CMKLR2: variants seen among roughly 807,000 people sequenced by gnomAD.
CMKLR2 encodes chemerin chemokine-like receptor 2.
CMKLR2 carries 18 observed loss-of-function variants against 23.0 expected under a neutral mutation model. The observed-to-expected ratio is 0.78, with a 90% confidence interval of 0.54 to 1.16. CMKLR2 has a LOEUF of 1.16. CMKLR2 is among the 50% of genes most tolerant of loss of function. The pLI, the probability that CMKLR2 is intolerant of heterozygous loss-of-function variation, is 0.00. For synonymous variants in CMKLR2, 158 were observed against 158.9 expected, an observed-to-expected ratio of 0.99 and a Z score of 0.05; for missense variants, 401 against 412.7, an observed-to-expected ratio of 0.97 and a Z score of 0.25.
upstream of CMKLR2, chr2:206,217,344 G>C (rs1278166702): frequency 6.6e-6 from 1 of 152,184 alleles, no homozygotes; most frequent in East Asian, 1.9e-4. Context: ...GCTTTTTCCA[G>C]AGACTGAAAT....
chr2:206,176,837 G>T lies in CMKLR2; in HGVS notation c.411C>A (p.Ile137=), dbSNP rs755667362. 2 of 1,614,008 alleles carry T rather than the reference G, an allele frequency of 1.2e-6. No individual in the cohort carries two copies. The highest frequency in any genetic ancestry group is 2.2e-5 in the South Asian group (2 of 91,086). Residue 137 remains isoleucine (I), a synonymous_variant, in exon 2 of 2, where the codon ATC becomes ATA. Coordinates refer to ENST00000621141, the MANE Select transcript of CMKLR2 (RefSeq NM_001389445.1). ...FLTVISLDHY[I]HLIHPVLSHR... is the part of the protein sequence containing the mutation. ...GAGATAAGACAGGATGGATCAAGTG[G>T]ATATAGTGGTCCAGGCTGATCACTG...
At chr2:206,183,207 A>G (rs1688470901) in intron 1 of CMKLR2, among the ~76,000 whole-genome samples, 1 of 152,160 alleles carries the variant, frequency 6.6e-6, no homozygotes, top group South Asian at 2.1e-4. Flanking sequence ...CAGAAGCCAT[A>G]TGGCCCATGG....
intron 1 of CMKLR2, among the ~76,000 whole-genome samples, chr2:206,190,061 C>T (rs1048957434): frequency 6.6e-6 from 1 of 152,126 alleles, no homozygotes; most frequent in African/African-American, 2.4e-5. Context: ...GATATTGTTG[C>T]TGCTGCCAGT....
intron 1 of CMKLR2, among the ~76,000 whole-genome samples, chr2:206,203,118 C>G (rs548057931): frequency 1.3e-5 from 2 of 148,734 alleles, no homozygotes; most frequent in Non-Finnish European, 3.0e-5. Flanking sequence ...GAGTTCAAGA[C>G]CAGCCTGACC....
At chr2:206,181,514 C>T (rs901537167) in intron 1 of CMKLR2, among the ~76,000 whole-genome samples, 2 of 152,074 alleles carry the variant, frequency 1.3e-5, no homozygotes, top group Non-Finnish European at 2.9e-5. Context: ...TTTGACTCCC[C>T]CAAAACTTAA....
intron 1 of CMKLR2, among the ~76,000 whole-genome samples, chr2:206,200,313 C>A (rs2105826519): frequency 6.6e-6 from 1 of 152,198 alleles, no homozygotes; most frequent in South Asian, 2.1e-4. Flanking sequence ...ATCCCAGCTG[C>A]TCGGGAGGCT....
chr2:206,190,002 A>G (rs879805996), intron 1 of CMKLR2, among the ~76,000 whole-genome samples: 14 of 152,014 alleles, frequency 9.2e-5, no homozygotes, highest in Non-Finnish European at 1.3e-4. Flanking sequence ...CTGTTTATTC[A>G]CCCAAGGGAA....
Position 206,176,653 on chromosome 2 carries a change from T to G in CMKLR2, c.595A>C (p.Thr199Pro). The change falls in exon 2 of 2, where the codon ACT (threonine) becomes CCT (proline). Residue 199 changes from threonine (T) to proline (P), a missense_variant. Physicochemically the swap from Thr to Pro is conservative, Grantham distance 38 (BLOSUM62 -1). Transcript: ENST00000621141. Reference protein sequence around the residue: ...NNFQKHDPDLTLIRHHVLTWV... With the variant: ...NNFQKHDPDLPLIRHHVLTWV... ...GTCAGAACATGGTGCCTGATCAAAG[T>G]GAGGTCAGGATCATGCTTCTGAAAA... 1 of 1,614,144 alleles carries G rather than the reference T, an allele frequency of 6.2e-7. No homozygotes were observed. The highest frequency in any genetic ancestry group is 8.5e-7 in the Non-Finnish European group (1 of 1,180,004).
At chr2:206,182,688 C>G (rs1335362641) in intron 1 of CMKLR2, among the ~76,000 whole-genome samples, 1 of 151,808 alleles carries the variant, frequency 6.6e-6, no homozygotes, top group Non-Finnish European at 1.5e-5. Flanking sequence ...GTGGCGTGAT[C>G]TCGGCTCATG....
Position 206,176,783 on chromosome 2 carries a change from C to CA in CMKLR2, c.464dup (p.Ile156AspfsTer28). On this transcript the variant is annotated frameshift_variant, in exon 2 of 2. Transcript: ENST00000621141. LOFTEE classifies it high-confidence loss of function. ...AAAGCCAGATGAATATAATGACAAT[C>CA]AGAGAGTTCTTGAGGGTTCGATGCC... is the stretch of plus-strand genomic sequence containing the variant. 6.2e-7 allele frequency: 1 copy of CA among 1,614,106 alleles called. No individual in the cohort carries two copies. The highest frequency in any genetic ancestry group is 1.3e-5 in the African/African-American group (1 of 75,006).
rs145863330 is a variant in CMKLR2, at chr2:206,183,555, G to T, written c.-28-6280C>A. ...CACCAGAGAGGTTCCTAATCTTCCA[G>T]GAAGCAGATGAACACATTAGATTTA... On this transcript the variant is annotated intron_variant, in intron 1 of 1. Transcript: ENST00000621141. 2.0e-3 allele frequency among the ~76,000 whole-genome samples: 299 copies of T among 152,254 alleles called. 1 individual carries two copies. The highest frequency in any genetic ancestry group is 6.8e-3 in the African/African-American group (284 of 41,544).
intron 1 of CMKLR2, among the ~76,000 whole-genome samples, chr2:206,191,733 T>A (rs555398948): frequency 6.6e-6 from 1 of 151,284 alleles, no homozygotes; most frequent in East Asian, 1.9e-4. Context: ...AGTGGTGTGA[T>A]GTTGGCTCAC....
At position 206,187,743 on chromosome 2, in the gene CMKLR2, A is replaced by G. The variant is rs559095829; in HGVS notation, c.-28-10468T>C. 2.0e-5 allele frequency among the ~76,000 whole-genome samples: 3 copies of G among 152,318 alleles called. No homozygotes were observed. The East Asian group carries it at 5.8e-4, about 29-fold the overall frequency. ...GATAAACATAGATACATGCACACAC[A>G]TATATACATATGCATATATACAAGT... On this transcript the variant is annotated intron_variant, in intron 1 of 1. Transcript: ENST00000621141.
At chr2:206,192,306 ATT>A (rs201719052) in intron 1 of CMKLR2, among the ~76,000 whole-genome samples, 48 of 146,794 alleles carry the variant, frequency 3.3e-4, no homozygotes, top group Non-Finnish European at 5.4e-4. Flanking sequence ...AAATTTATTT[ATT>A]TTTTTTTTAT....
At position 206,200,315 on chromosome 2, in the gene CMKLR2, C is replaced by T. The variant is rs148089790; in HGVS notation, c.-29+12992G>A. Among the ~76,000 whole-genome samples, 1,081 of 152,106 alleles carry T rather than the reference C, an allele frequency of 7.1e-3. 11 individuals carry two copies. The highest frequency in any genetic ancestry group is 0.025 in the African/African-American group (1,029 of 41,502). On this transcript the variant is annotated intron_variant, in intron 1 of 1. Transcript: ENST00000621141. ...ACACATGCCTGTAATCCCAGCTGCT[C>T]GGGAGGCTGAGACAGGAGAATCACT...
In CMKLR2 at chr2:206,175,848, A is replaced by G. The variant is rs1688187023; in HGVS notation, c.*332T>C. On this transcript the variant is annotated 3_prime_UTR_variant, in exon 2 of 2. Coordinates refer to ENST00000621141, the MANE Select transcript of CMKLR2 (RefSeq NM_001389445.1). The stretch of plus-strand genomic sequence containing the variant: ...AGGCTTTAGAAAAGTTATTATTCAA[A>G]AAATAACTGATATTGCTTCAAAAGT... 5.5e-6 allele frequency: 1 copy of G among 180,940 alleles called. No individual in the cohort carries two copies. The highest frequency in any genetic ancestry group is 1.8e-4 in the South Asian group (1 of 5,512). The allele number at this position is 180,940 out of a possible 1,614,324, so 11.2% of individuals were successfully genotyped here.
upstream of CMKLR2, among the ~76,000 whole-genome samples, chr2:206,215,834 T>A (rs1174652893): frequency 6.6e-6 from 1 of 152,158 alleles, no homozygotes. Flanking sequence ...GGCTGTTTGG[T>A]GCATTGGTTA....
At chr2:206,192,336 T>C (rs951058495) in intron 1 of CMKLR2, among the ~76,000 whole-genome samples, 22 of 149,856 alleles carry the variant, frequency 1.5e-4, no homozygotes, top group African/African-American at 5.3e-4. Context: ...TTTATTATTT[T>C]ATTTTATAAA....
intron 1 of CMKLR2, among the ~76,000 whole-genome samples, chr2:206,179,049 C>G: frequency 7.1e-6 from 1 of 140,864 alleles, no homozygotes; most frequent in Admixed American, 7.3e-5. Context: ...TGCCCGCTCC[C>G]TGTCCCTTTT....
Sources: allele counts gnomAD v4.1 joint callset (sites outside exome capture counted in the v4.1 genomes callset), GRCh38; gene constraint gnomAD v4.1.1; transcripts MANE v1.5; gene names NCBI Gene and HGNC (gene_info 2026-07-23, HGNC 2026-07-21).